The following STRN3 variants were observed in gnomAD, a reference collection of about 807,000 sequenced individuals.
STRN3 encodes striatin 3.
Under a neutral mutation model 95.6 loss-of-function variants are expected in STRN3, and 29 were observed. That is an observed-to-expected ratio of 0.30 (90% CI 0.23 to 0.41). The LOEUF is 0.41. STRN3 is among the 10% of genes least tolerant of loss of function. The pLI is 1.00. For synonymous variants in STRN3, 331 were observed against 357.6 expected, an observed-to-expected ratio of 0.93 and a Z score of 0.84; for missense variants, 890 against 972.1, an observed-to-expected ratio of 0.92 and a Z score of 1.12.
At chr14:30,965,521 A>T (rs1880441835) in intron 1 of STRN3, among the ~76,000 whole-genome samples, 1 of 150,356 alleles carries the variant, frequency 6.7e-6, no homozygotes, top group East Asian at 1.9e-4. Context: ...ACCCATCTCT[A>T]AAAAAAAACA....
Position 30,895,477 on chromosome 14 carries a change from A to G in STRN3, c.2328T>C (p.Ala776=), listed in dbSNP as rs372274078. Residue 776 remains alanine (A), a synonymous_variant, in exon 18 of 18, where the codon GCT becomes GCC. Coordinates refer to ENST00000357479, the MANE Select transcript of STRN3 (RefSeq NM_001083893.2). ...CTATATATGCTTTTGACGAGTGGAA[A>G]GCAACATCATAAATTGATTCATCCA... is the stretch of plus-strand genomic sequence containing the variant. ...KKLDESIYDV[A]FHSSKAYIAS... The G allele has an allele frequency of 3.7e-6, 6 of 1,614,006 alleles. No homozygotes were observed. In the African/African-American group the frequency reaches 8.0e-5, roughly 22 times the overall value.
intron 1 of STRN3, among the ~76,000 whole-genome samples, chr14:30,977,794 GAAAAAAAAAAA>G (rs869303485): frequency 2.7e-5 from 3 of 109,926 alleles, no homozygotes; most frequent in Non-Finnish European, 5.2e-5. Context: ...ACTCTATCTC[GAAAAAAAAAAA>G]AAAAAAAAAA....
chr14:31,012,500 A>G (rs1283222844), intron 1 of STRN3, among the ~76,000 whole-genome samples: 1 of 152,236 alleles, frequency 6.6e-6, no homozygotes, highest in Non-Finnish European at 1.5e-5. Context: ...CACAGCTACA[A>G]ACGTTTTATG....
At chr14:30,966,995 T>C (rs1485679322) in intron 1 of STRN3, among the ~76,000 whole-genome samples, 1 of 151,766 alleles carries the variant, frequency 6.6e-6, no homozygotes, top group Non-Finnish European at 1.5e-5. Context: ...GTTTGAGGGA[T>C]TGAGCCTTCC....
At chr14:31,001,353 C>T (rs1882440769) in intron 1 of STRN3, among the ~76,000 whole-genome samples, 1 of 151,918 alleles carries the variant, frequency 6.6e-6, no homozygotes, top group African/African-American at 2.4e-5. Flanking sequence ...ATGGGCAACA[C>T]AGCAAGACCA....
At chr14:31,023,084 T>A (rs537349437) in intron 1 of STRN3, among the ~76,000 whole-genome samples, 1 of 152,300 alleles carries the variant, frequency 6.6e-6, no homozygotes, top group South Asian at 2.1e-4. Context: ...GAATCTACTA[T>A]GAAATTACAA....
intron 5 of STRN3, among the ~76,000 whole-genome samples, chr14:30,940,147 T>C (rs1032192156): frequency 7.2e-5 from 11 of 152,154 alleles, no homozygotes; most frequent in Admixed American, 1.3e-4. Context: ...ATGTATTAAT[T>C]TCATATTTTC....
intron 1 of STRN3, among the ~76,000 whole-genome samples, chr14:31,011,886 C>G (rs1594581644): frequency 6.6e-6 from 1 of 152,084 alleles, no homozygotes; most frequent in Non-Finnish European, 1.5e-5. Context: ...CGGAGACCAG[C>G]CTGACCAACA....
In STRN3 at chr14:30,919,097, C is replaced by G; in HGVS notation, c.1109G>C (p.Arg370Thr). 6.2e-7 allele frequency: 1 copy of G among 1,602,542 alleles called. No homozygotes were observed. The highest frequency in any genetic ancestry group is 8.5e-7 in the Non-Finnish European group (1 of 1,173,586). The change falls in exon 9 of 18, where the codon AGG becomes ACG. Residue 370 changes from arginine to threonine, a missense_variant. Coordinates refer to ENST00000357479, the MANE Select transcript of STRN3 (RefSeq NM_001083893.2). ...KGKKGVKRAN[R>T]TKLYDMIADL... ...AGCTATCATGTCGTAGAGTTTTGTC[C>G]TGTTGGCCCCTGTAAATTAATGTCA...
intron 14 of STRN3, 82 bp from the exon 15 acceptor site, chr14:30,905,640 A>C (rs1204620121): frequency 4.1e-6 from 6 of 1,451,348 alleles, no homozygotes; most frequent in Middle Eastern, 1.8e-4. Context: ...CTGTTTTTCT[A>C]ATCAGAAAAA....
intron 1 of STRN3, among the ~76,000 whole-genome samples, chr14:30,979,843 G>A (rs1432876514): frequency 6.6e-6 from 1 of 151,942 alleles, no homozygotes; most frequent in South Asian, 2.1e-4. Context: ...CAGGTAATCT[G>A]CCCGCCTTGG....
intron 1 of STRN3, among the ~76,000 whole-genome samples, chr14:30,981,551 T>A (rs914468046): frequency 2.0e-5 from 3 of 149,438 alleles, no homozygotes; most frequent in African/African-American, 7.4e-5. Flanking sequence ...TAGCTAATTA[T>A]GAGAATCACA....
intron 8 of STRN3, among the ~76,000 whole-genome samples, chr14:30,927,077 A>C (rs954771868): frequency 2.6e-5 from 4 of 152,100 alleles, no homozygotes; most frequent in African/African-American, 9.7e-5. Flanking sequence ...GCTGAGGTGG[A>C]AGAATGGCCT....
rs1419962083 is a variant in STRN3 at position 31,025,970 on chromosome 14, G to A, written c.216C>T (p.Ile72=). ...QYTIPGILHY[I]QHEWARFEME... is the part of the protein sequence containing the mutation. ...TCTCGAACCGAGCCCACTCGTGCTG[G>A]ATGTAGTGCAGTATCCCCGGGATAG... Residue 72 remains isoleucine, a synonymous_variant, in exon 1 of 18, where the codon ATC becomes ATT. Coordinates refer to ENST00000357479, the MANE Select transcript of STRN3 (RefSeq NM_001083893.2). The A allele has an allele frequency of 1.3e-6, 2 of 1,584,978 alleles. No homozygotes were observed. Among genetic ancestry groups the A allele is most frequent in the East Asian group, 2.3e-5 (1 of 42,614 alleles).
At chr14:30,983,729 A>T (rs1223988020) in intron 1 of STRN3, among the ~76,000 whole-genome samples, 1 of 152,208 alleles carries the variant, frequency 6.6e-6, no homozygotes, top group Admixed American at 6.5e-5. Flanking sequence ...AAGCTGAAAG[A>T]ATCCTAAATT....
chr14:30,975,833 CT>C (rs1381789678), intron 1 of STRN3, among the ~76,000 whole-genome samples: 2 of 48,132 alleles, frequency 4.2e-5, no homozygotes, highest in African/African-American at 1.4e-4. Flanking sequence ...GACCCTGGCT[CT>C]TTAAAAAAAA....
At chr14:31,014,533 T>C (rs931634071) in intron 1 of STRN3, 3 of 358,300 alleles carry the variant, frequency 8.4e-6, no homozygotes, top group Non-Finnish European at 1.7e-5. Flanking sequence ...GTGCAAAATT[T>C]TTAATAGGAA....
intron 1 of STRN3, among the ~76,000 whole-genome samples, chr14:30,984,962 A>C (rs1881607309): frequency 6.6e-6 from 1 of 152,136 alleles, no homozygotes; most frequent in South Asian, 2.1e-4. Context: ...CTTTTTATGA[A>C]GTATCCTAAG....
At chr14:30,969,860 C>A (rs779803433) in intron 1 of STRN3, among the ~76,000 whole-genome samples, 5 of 152,130 alleles carry the variant, frequency 3.3e-5, no homozygotes, top group Non-Finnish European at 5.9e-5. Context: ...AGATCACCTT[C>A]TCATCAAAGA....
Sources: allele counts gnomAD v4.1 joint callset (sites outside exome capture counted in the v4.1 genomes callset), GRCh38; gene constraint gnomAD v4.1.1; transcripts MANE v1.5; gene names NCBI Gene and HGNC (gene_info 2026-07-23, HGNC 2026-07-21).